NEGR1: variants seen among roughly 807,000 people sequenced by gnomAD.
NEGR1 encodes IgLON family member 4.
A neutral mutation model predicts 40.9 loss-of-function variants in NEGR1; 10 were observed. That is an observed-to-expected ratio of 0.24 (90% CI 0.15 to 0.42). NEGR1 has a LOEUF of 0.42. Ranked by LOEUF, NEGR1 falls within the 10% of genes least tolerant of loss-of-function variation. The probability of loss-of-function intolerance (pLI) is 1.00; values close to 1 mark genes in which losing one functional copy is unlikely to be tolerated. For missense variants in NEGR1, 352 were observed against 438.9 expected, an observed-to-expected ratio of 0.80 and a Z score of 1.77; for synonymous variants, 185 against 166.8, an observed-to-expected ratio of 1.11 and a Z score of -0.84.
At chr1:71,956,026 C>T (rs183749160) in intron 1 of NEGR1, among the ~76,000 whole-genome samples, 29 of 152,144 alleles carry the variant, frequency 1.9e-4, no homozygotes, top group Admixed American at 1.4e-3. Context: ...TTGTGTTTAC[C>T]GGTAAACCAG....
chr1:71,938,272 C>T (rs763189725), intron 1 of NEGR1, among the ~76,000 whole-genome samples: 7 of 151,946 alleles, frequency 4.6e-5, no homozygotes, highest in African/African-American at 1.2e-4. Context: ...AGCAAGTCTA[C>T]GTAGACTTGG....
At chr1:71,847,724 C>T (rs934081557) in intron 2 of NEGR1, among the ~76,000 whole-genome samples, 1 of 152,116 alleles carries the variant, frequency 6.6e-6, no homozygotes, top group Non-Finnish European at 1.5e-5. Context: ...CCACTTAATA[C>T]CCTACAATGA....
At chr1:71,671,893 C>CT (rs10708807) in intron 4 of NEGR1, among the ~76,000 whole-genome samples, 150 of 121,586 alleles carry the variant, frequency 1.2e-3, no homozygotes, top group African/African-American at 2.5e-3. Flanking sequence ...CTCTCTCTCT[C>CT]TTTTTTTTTT....
intron 2 of NEGR1, among the ~76,000 whole-genome samples, chr1:71,810,974 A>G (rs942373351): frequency 2.6e-5 from 4 of 152,186 alleles, no homozygotes; most frequent in African/African-American, 9.6e-5. Context: ...ATTAAGGTAT[A>G]TATTTCTCAA....
chr1:72,053,059 A>G (rs927019147), intron 1 of NEGR1, among the ~76,000 whole-genome samples: 7 of 151,312 alleles, frequency 4.6e-5, no homozygotes, highest in Non-Finnish European at 5.9e-5. Flanking sequence ...TTCTTTTTTC[A>G]TGTCACTAGA....
intron 4 of NEGR1, among the ~76,000 whole-genome samples, chr1:71,692,791 CA>C (rs1422426094): frequency 6.6e-6 from 1 of 151,744 alleles, no homozygotes; most frequent in Non-Finnish European, 1.5e-5. Flanking sequence ...CAAAATAATG[CA>C]CAAATATGTG....
At chr1:71,438,297 A>T (rs377082596) in intron 6 of NEGR1, among the ~76,000 whole-genome samples, 11 of 152,356 alleles carry the variant, frequency 7.2e-5, no homozygotes, top group African/African-American at 2.6e-4. Context: ...TTTCTTGTGA[A>T]AAAGTACATT....
At chr1:71,693,213 T>A (rs1653353430) in intron 4 of NEGR1, among the ~76,000 whole-genome samples, 1 of 151,488 alleles carries the variant, frequency 6.6e-6, no homozygotes, top group Non-Finnish European at 1.5e-5. Flanking sequence ...TCCACCTGGA[T>A]ATTTGGGGAG....
chr1:71,567,724 C>A (rs139731328), intron 6 of NEGR1, among the ~76,000 whole-genome samples: 5 of 152,116 alleles, frequency 3.3e-5, no homozygotes, highest in African/African-American at 1.2e-4. Flanking sequence ...GTCCCCCCTC[C>A]GCCTCAAATT....
At chr1:71,686,037 CTT>C (rs11336336) in intron 4 of NEGR1, among the ~76,000 whole-genome samples, 3 of 151,316 alleles carry the variant, frequency 2.0e-5, no homozygotes, top group African/African-American at 7.3e-5. Flanking sequence ...GACTCATAGA[CTT>C]TTTTTTTTCA....
intron 6 of NEGR1, among the ~76,000 whole-genome samples, chr1:71,511,156 C>A (rs1647070155): frequency 6.6e-6 from 1 of 152,190 alleles, no homozygotes; most frequent in African/African-American, 2.4e-5. Flanking sequence ...ATTTTAACCG[C>A]AGTTGACACC....
At chr1:71,625,336 G>A (rs1650738171) in intron 4 of NEGR1, among the ~76,000 whole-genome samples, 1 of 151,550 alleles carries the variant, frequency 6.6e-6, no homozygotes, top group Admixed American at 6.6e-5. Flanking sequence ...GTATTCATGG[G>A]TTCCATATTT....
At chr1:71,957,529 A>G (rs919816244) in intron 1 of NEGR1, among the ~76,000 whole-genome samples, 3 of 152,176 alleles carry the variant, frequency 2.0e-5, no homozygotes, top group South Asian at 4.1e-4. Context: ...TTGAAAATGT[A>G]TAGGAGGAAA....
chr1:71,727,225 C>A (rs1654703223), intron 3 of NEGR1, among the ~76,000 whole-genome samples: 1 of 152,024 alleles, frequency 6.6e-6, no homozygotes, highest in South Asian at 2.1e-4. Flanking sequence ...GGATGCTCTT[C>A]TATTTCTTAT....
rs56026716 is a variant in NEGR1, at chr1:72,032,984, T to C, written c.177-97673A>G. On this transcript the variant is annotated intron_variant, in intron 1 of 6. Transcript: ENST00000357731. ...TAATTGCCATATAAGTGTTAGCTAT[T>C]ATTACTATTTATGAAGCAATTCTTA... 4.9e-3 allele frequency among the ~76,000 whole-genome samples: 743 copies of C among 152,252 alleles called. 3 individuals are homozygous for C. The highest frequency in any genetic ancestry group is 0.016 in the African/African-American group (684 of 41,540).
At chr1:72,143,304 T>C (rs1466346754) in intron 1 of NEGR1, among the ~76,000 whole-genome samples, 1 of 151,888 alleles carries the variant, frequency 6.6e-6, no homozygotes, top group Admixed American at 6.6e-5. Context: ...TATGATAAAG[T>C]TTTACAACTA....
intron 1 of NEGR1, among the ~76,000 whole-genome samples, chr1:72,091,943 G>A (rs1648515918): frequency 6.6e-6 from 1 of 151,986 alleles, no homozygotes; most frequent in African/African-American, 2.4e-5. Context: ...TAATCCCATT[G>A]GATCAGGGCC....
intron 2 of NEGR1, among the ~76,000 whole-genome samples, chr1:71,777,722 AT>A (rs553846442): frequency 3.3e-5 from 5 of 151,850 alleles, no homozygotes; most frequent in Admixed American, 3.3e-4. Context: ...CATACTTTGA[AT>A]TTTTTTTGAC....
chr1:71,607,833 A>G lies in NEGR1; in HGVS notation c.788+3193T>C, dbSNP rs1176963481. On this transcript the variant is annotated intron_variant, in intron 5 of 6. Transcript: ENST00000357731. ...GTCAGCCTCCTGAGTAGCTGGGACT[A>G]CAGGTGCCTGCCACCATGCCCGGCT... is the stretch of plus-strand genomic sequence containing the variant. Among the ~76,000 whole-genome samples, 15 of 152,236 alleles carry G rather than the reference A, an allele frequency of 9.9e-5. No individual in the cohort carries two copies. In the East Asian group the frequency reaches 2.9e-3, roughly 29 times the overall value.
Sources: allele counts gnomAD v4.1 joint callset (sites outside exome capture counted in the v4.1 genomes callset), GRCh38; gene constraint gnomAD v4.1.1; transcripts MANE v1.5; gene names NCBI Gene and HGNC (gene_info 2026-07-23, HGNC 2026-07-21).